The following YEATS2 variants were observed in gnomAD, a reference collection of about 807,000 sequenced individuals.
YEATS2 encodes YEATS domain-containing protein 2.
A neutral mutation model predicts 163.2 loss-of-function variants in YEATS2; 77 were observed. That is an observed-to-expected ratio of 0.47 (90% confidence interval 0.39 to 0.57). The LOEUF is 0.57. Among genes scored for constraint, YEATS2 ranks in the 20% least tolerant of loss-of-function variants. YEATS2 has a pLI of 0.00. For missense variants in YEATS2, 1,549 were observed against 1,729.8 expected (o/e 0.90, Z 1.85); for synonymous variants, 631 against 645.1 (o/e 0.98, Z 0.33).
Position 183,787,101 on chromosome 3 carries a change from C to T in YEATS2, c.2913+800C>T, listed in dbSNP as rs368035817. On this transcript the variant is annotated intron_variant, in intron 20 of 30. Coordinates refer to ENST00000305135, the MANE Select transcript of YEATS2 (RefSeq NM_018023.5). ...TCCCAAGTAGCTGGGACTACAGGCA[C>T]GCACCACCATGTCCGGCTAATTTTT... Among the ~76,000 whole-genome samples the T allele has an allele frequency of 1.0e-3, 155 of 152,126 alleles. 1 individual carries two copies. Among genetic ancestry groups the T allele is most frequent in the Middle Eastern group, 3.4e-3 (1 of 294 alleles).
chr3:183,725,314 T>C (rs1716970484), intron 6 of YEATS2, among the ~76,000 whole-genome samples: 1 of 152,182 alleles, frequency 6.6e-6, no homozygotes, highest in African/African-American at 2.4e-5. Flanking sequence ...TGAAAGCCAG[T>C]AGAGAATGGT....
intron 6 of YEATS2, among the ~76,000 whole-genome samples, chr3:183,727,653 A>G (rs1717256860): frequency 6.6e-6 from 1 of 152,186 alleles, no homozygotes; most frequent in South Asian, 2.1e-4. Flanking sequence ...TTCTACATGA[A>G]TCTAAGAAGG....
chr3:183,701,740 A>G (rs1211570570), intron 1 of YEATS2, among the ~76,000 whole-genome samples: 1 of 152,182 alleles, frequency 6.6e-6, no homozygotes, highest in Non-Finnish European at 1.5e-5. Flanking sequence ...TTCAATTAAA[A>G]AAGTATATCC....
rs1721046605 is a variant in YEATS2, at chr3:183,758,896, G to GATCTCCAC, written c.1587_1588insATCTCCAC (p.Val530IlefsTer21). The GATCTCCAC allele has an allele frequency of 3.1e-6, 5 of 1,597,502 alleles. No homozygotes were observed. The East Asian group carries it at 1.1e-4, about 36-fold the overall frequency. On this transcript the variant is annotated frameshift_variant, in exon 13 of 31. Coordinates refer to ENST00000305135, the MANE Select transcript of YEATS2 (RefSeq NM_018023.5). LOFTEE classifies it high-confidence loss of function. ...CAAACAAGATCTCCACGGCTTCTCA[G>GATCTCCAC]GTCTCCCAAGGAACAGGTTCCCCTG...
chr3:183,731,297 CAAA>C (rs63002261), intron 7 of YEATS2, among the ~76,000 whole-genome samples: 1 of 122,888 alleles, frequency 8.1e-6, no homozygotes, highest in Non-Finnish European at 1.7e-5. Flanking sequence ...GAGTCTGTCT[CAAA>C]AAAAAAAAAA....
intron 15 of YEATS2, among the ~76,000 whole-genome samples, chr3:183,770,722 G>A (rs16848465): frequency 6.6e-6 from 1 of 152,142 alleles, no homozygotes; most frequent in Admixed American, 6.5e-5. Flanking sequence ...ACGTGATGTT[G>A]TTTGTGTTTT....
chr3:183,728,474 G>T (rs1717361696), intron 6 of YEATS2, among the ~76,000 whole-genome samples: 1 of 152,232 alleles, frequency 6.6e-6, no homozygotes, highest in African/African-American at 2.4e-5. Context: ...GCATTACAGT[G>T]TGAGCCAGCC....
chr3:183,782,877 G>A (rs1175516496), intron 19 of YEATS2, among the ~76,000 whole-genome samples: 1 of 152,168 alleles, frequency 6.6e-6, no homozygotes, highest in East Asian at 1.9e-4. Context: ...TGATCATAGG[G>A]TACATATATG....
rs372682360 is a variant in YEATS2 at position 183,724,564 on chromosome 3, C to A, written c.650+33C>A. The A allele has an allele frequency of 4.7e-6, 7 of 1,501,938 alleles. No homozygotes were observed. In the African/African-American group the frequency reaches 8.4e-5, roughly 18 times the overall value. 93.0% of individuals were successfully genotyped at this position (1,501,938 alleles called of 1,614,324 possible). A position where few individuals can be genotyped will look rare whatever the true frequency, so the allele number is the denominator to read the frequency against. Reference sequence around the variant, plus strand: ...TCCAGTTGAATTTATTTTTATTTGTCCATTTGTGTTAATATTTTGGCATTA... The same window carrying A: ...TCCAGTTGAATTTATTTTTATTTGTACATTTGTGTTAATATTTTGGCATTA... On this transcript the variant is annotated intron_variant, in intron 6 of 30. Coordinates refer to ENST00000305135, the MANE Select transcript of YEATS2 (RefSeq NM_018023.5).
intron 21 of YEATS2, among the ~76,000 whole-genome samples, chr3:183,795,274 A>C (rs1039591852): frequency 1.3e-5 from 2 of 151,780 alleles, no homozygotes; most frequent in Non-Finnish European, 2.9e-5. Context: ...CAACATATAC[A>C]TTCCTTTTTA....
chr3:183,771,053 C>G (rs1231074604), intron 15 of YEATS2, among the ~76,000 whole-genome samples: 1 of 152,132 alleles, frequency 6.6e-6, no homozygotes, highest in Non-Finnish European at 1.5e-5. Context: ...AAAAACAATT[C>G]CTACTATACG....
intron 6 of YEATS2, among the ~76,000 whole-genome samples, chr3:183,725,013 A>T (rs1217656717): frequency 6.8e-6 from 1 of 146,888 alleles, no homozygotes. Flanking sequence ...AAAGTGCTGG[A>T]ATTACAGGTG....
intron 1 of YEATS2, among the ~76,000 whole-genome samples, chr3:183,713,374 C>G (rs1260669397): frequency 1.3e-5 from 2 of 152,158 alleles, no homozygotes; most frequent in Non-Finnish European, 2.9e-5. Context: ...ACTAGCCTGG[C>G]CAACAAGGTG....
intron 25 of YEATS2, 175 bp from the exon 26 acceptor site, chr3:183,803,081 C>G: frequency 1.6e-6 from 1 of 642,426 alleles, no homozygotes; most frequent in Non-Finnish European, 2.7e-6. Context: ...CACGGCAAGA[C>G]ACCTTCTCTT....
At chr3:183,726,488 AG>A (rs1186302391) in intron 6 of YEATS2, among the ~76,000 whole-genome samples, 2 of 152,310 alleles carry the variant, frequency 1.3e-5, no homozygotes, top group East Asian at 3.9e-4. Context: ...GTCTAGGGGT[AG>A]ATTAGGACGT....
At chr3:183,721,294 C>T (rs1435417918) in intron 4 of YEATS2, among the ~76,000 whole-genome samples, 1 of 152,128 alleles carries the variant, frequency 6.6e-6, no homozygotes, top group African/African-American at 2.4e-5. Flanking sequence ...AGTTTAATAA[C>T]ACAGTTTTTA....
At chr3:183,760,569 G>A (rs748277608) in intron 13 of YEATS2, among the ~76,000 whole-genome samples, 9 of 152,088 alleles carry the variant, frequency 5.9e-5, no homozygotes, top group Admixed American at 2.6e-4. Flanking sequence ...TAATCTGCCC[G>A]CCTCAGCCTC....
At chr3:183,780,195 A>G (rs1723428553) in intron 19 of YEATS2, among the ~76,000 whole-genome samples, 1 of 152,042 alleles carries the variant, frequency 6.6e-6, no homozygotes, top group East Asian at 1.9e-4. Context: ...TCCCTTTTCC[A>G]ACTACATATG....
rs542355879 is a variant in YEATS2, at chr3:183,784,072, A to C, written c.2737-2053A>C. Among the ~76,000 whole-genome samples, 23 of 152,176 alleles carry C rather than the reference A, an allele frequency of 1.5e-4. No individual in the cohort carries two copies. In the South Asian group the frequency reaches 4.1e-3, roughly 27 times the overall value. On this transcript the variant is annotated intron_variant, in intron 19 of 30. Transcript: ENST00000305135. ...AGTCCTGTGACACCATGGCCAGCTA[A>C]CTTTTTATTTTTCTAGTGACAGGGT...
Sources: allele counts gnomAD v4.1 joint callset (sites outside exome capture counted in the v4.1 genomes callset), GRCh38; gene constraint gnomAD v4.1.1; transcripts MANE v1.5; gene names NCBI Gene and HGNC (gene_info 2026-07-23, HGNC 2026-07-21).